The following EFNA5 variants were observed in gnomAD, a reference collection of about 807,000 sequenced individuals.
EFNA5 encodes the protein ephrin A5, also known as ephrin-A5.
EFNA5 carries 5 observed loss-of-function variants against 22.9 expected under a neutral mutation model. The observed-to-expected ratio is 0.22, with a 90% CI of 0.11 to 0.46. The LOEUF (loss-of-function observed/expected upper bound fraction) is 0.46, where lower values mean the gene tolerates loss of function less well. EFNA5 is among the 20% of genes least tolerant of loss of function. The probability of loss-of-function intolerance (pLI) is 0.99; values close to 1 mark genes in which losing one functional copy is unlikely to be tolerated. For synonymous variants in EFNA5, 113 were observed against 112.2 expected, an observed-to-expected ratio of 1.01 and a Z score of -0.04; for missense variants, 237 against 293.3, an observed-to-expected ratio of 0.81 and a Z score of 1.40.
chr5:107,405,320 TCTG>T (rs2112394003), intron 2 of EFNA5, among the ~76,000 whole-genome samples: 1 of 152,236 alleles, frequency 6.6e-6, no homozygotes, highest in South Asian at 2.1e-4. Flanking sequence ...ATCAGAAACG[TCTG>T]TTATCCAAAC....
intron 1 of EFNA5, among the ~76,000 whole-genome samples, chr5:107,573,730 C>T (rs1561437331): frequency 6.6e-6 from 1 of 152,028 alleles, no homozygotes. Flanking sequence ...TCAACCCTTA[C>T]CTATCAAAAG....
chr5:107,492,408 T>C (rs1285547225), intron 1 of EFNA5, among the ~76,000 whole-genome samples: 1 of 152,248 alleles, frequency 6.6e-6, no homozygotes, highest in African/African-American at 2.4e-5. Context: ...TTTGACATTA[T>C]AAAAGTTAGT....
At chr5:107,470,375 G>A (rs993801133) in intron 1 of EFNA5, among the ~76,000 whole-genome samples, 2 of 152,136 alleles carry the variant, frequency 1.3e-5, no homozygotes, top group Non-Finnish European at 2.9e-5. Flanking sequence ...GTTATTATAC[G>A]GCTTCTGAGG....
chr5:107,430,108 C>T (rs962464172), intron 1 of EFNA5, among the ~76,000 whole-genome samples: 8 of 152,154 alleles, frequency 5.3e-5, no homozygotes, highest in South Asian at 4.1e-4. Flanking sequence ...GCAATGACCA[C>T]GAGTTTACTT....
chr5:107,398,695 T>A lies in EFNA5; in HGVS notation c.419-10924A>T, dbSNP rs913498210. ...GACCCTGTCTCTATATAAAAAAAAA[T>A]TTTTTTTTTATTGGCCAGGTGTGGT... is the stretch of plus-strand genomic sequence containing the variant. On this transcript the variant is annotated intron_variant, in intron 2 of 4. Transcript: ENST00000333274. Among the ~76,000 whole-genome samples the A allele has an allele frequency of 4.0e-4, 59 of 148,544 alleles. 1 individual carries two copies. Among genetic ancestry groups the A allele is most frequent in the Admixed American group, 2.0e-3 (30 of 14,840 alleles).
chr5:107,561,068 T>C (rs74434653), intron 1 of EFNA5, among the ~76,000 whole-genome samples: 2,850 of 152,262 alleles, frequency 0.019, 100 homozygotes, highest in African/African-American at 0.065. Context: ...ATAAGGGATA[T>C]AATCCCTGTT....
chr5:107,441,985 C>A (rs1749267483), intron 1 of EFNA5, among the ~76,000 whole-genome samples: 1 of 152,160 alleles, frequency 6.6e-6, no homozygotes, highest in South Asian at 2.1e-4. Context: ...ACAACAGCTA[C>A]AACCATCTTA....
At chr5:107,618,707 T>C (rs568488551) in intron 1 of EFNA5, among the ~76,000 whole-genome samples, 3 of 152,338 alleles carry the variant, frequency 2.0e-5, no homozygotes, top group East Asian at 1.9e-4. Context: ...AGGAAATCTA[T>C]GACATGCCAC....
chr5:107,505,300 G>A (rs1483499113), intron 1 of EFNA5, among the ~76,000 whole-genome samples: 1 of 152,174 alleles, frequency 6.6e-6, no homozygotes, highest in Non-Finnish European at 1.5e-5. Flanking sequence ...AAGCTTCATG[G>A]CATCCTGTTA....
intron 1 of EFNA5, among the ~76,000 whole-genome samples, chr5:107,667,778 C>CTA (rs1415035435): frequency 6.6e-6 from 1 of 151,980 alleles, no homozygotes; most frequent in African/African-American, 2.4e-5. Flanking sequence ...CAGATAGGTT[C>CTA]TATATAAAGA....
At chr5:107,501,518 T>C (rs1580498348) in intron 1 of EFNA5, among the ~76,000 whole-genome samples, 1 of 152,340 alleles carries the variant, frequency 6.6e-6, no homozygotes, top group Non-Finnish European at 1.5e-5. Context: ...ATTGCCCTGA[T>C]TTAGCAAAGA....
chr5:107,582,108 AAG>A (rs1191326919), intron 1 of EFNA5, among the ~76,000 whole-genome samples: 1 of 152,190 alleles, frequency 6.6e-6, no homozygotes, highest in Non-Finnish European at 1.5e-5. Context: ...TGTAACAAAA[AAG>A]AGACTGAAGA....
chr5:107,658,280 T>A (rs1459598820), intron 1 of EFNA5, among the ~76,000 whole-genome samples: 2 of 152,204 alleles, frequency 1.3e-5, no homozygotes, highest in Admixed American at 6.5e-5. Context: ...CATTGCCACA[T>A]AAAATACATC....
chr5:107,446,799 A>C (rs572061337), intron 1 of EFNA5, among the ~76,000 whole-genome samples: 2 of 152,238 alleles, frequency 1.3e-5, no homozygotes, highest in East Asian at 1.9e-4. Context: ...ATGGGGAAGA[A>C]GACACTGACT....
chr5:107,591,502 A>T (rs1749323274), intron 1 of EFNA5, among the ~76,000 whole-genome samples: 1 of 151,938 alleles, frequency 6.6e-6, no homozygotes, highest in South Asian at 2.1e-4. Flanking sequence ...TAGATGAAGG[A>T]ATTTAACCCA....
At chr5:107,565,241 T>C (rs1049957390) in intron 1 of EFNA5, among the ~76,000 whole-genome samples, 2 of 152,010 alleles carry the variant, frequency 1.3e-5, no homozygotes, top group African/African-American at 4.8e-5. Flanking sequence ...GACCACAGAG[T>C]AGCATTTTTA....
At chr5:107,551,363 G>A (rs1221256993) in intron 1 of EFNA5, among the ~76,000 whole-genome samples, 1 of 152,146 alleles carries the variant, frequency 6.6e-6, no homozygotes, top group African/African-American at 2.4e-5. Flanking sequence ...TCTGTAACAT[G>A]TAGCTTGCCA....
intron 4 of EFNA5, among the ~76,000 whole-genome samples, chr5:107,383,765 C>A (rs1191040129): frequency 2.0e-5 from 3 of 152,172 alleles, no homozygotes; most frequent in African/African-American, 4.8e-5. Context: ...TGAGGGCTAT[C>A]CATTATTCCA....
intron 1 of EFNA5, among the ~76,000 whole-genome samples, chr5:107,513,356 A>G (rs1396745008): frequency 6.6e-6 from 1 of 152,082 alleles, no homozygotes; most frequent in Non-Finnish European, 1.5e-5. Context: ...AAATGTGATG[A>G]GCATGTTGAT....
Sources: gnomAD v4.1 joint callset for allele counts (sites outside exome capture counted in the v4.1 genomes callset) on GRCh38, gnomAD v4.1.1 for gene constraint, MANE v1.5 for transcripts, NCBI Gene and HGNC (gene_info 2026-07-23, HGNC 2026-07-21) for gene names.